TOX3: variants seen among roughly 807,000 people sequenced by gnomAD.
TOX3 encodes CAG trinucleotide repeat-containing gene F9 protein.
A neutral mutation model predicts 64.3 loss-of-function variants in TOX3; 22 were observed. The ratio of observed to expected loss-of-function variants is 0.34; its 90% confidence interval spans 0.24 to 0.49. The LOEUF is 0.49. TOX3 is among the 20% of genes least tolerant of loss of function. The pLI, the probability that TOX3 is intolerant of heterozygous loss-of-function variation, is 0.99. For synonymous variants in TOX3, 291 were observed against 273.6 expected, an observed-to-expected ratio of 1.06 and a Z score of -0.63; for missense variants, 661 against 714.4, an observed-to-expected ratio of 0.93 and a Z score of 0.85.
chr16:52,439,476 G>T lies in TOX3; in HGVS notation c.1480C>A (p.Gln494Lys). 7.0e-7 allele frequency: 1 copy of T among 1,435,314 alleles called. No homozygotes were observed. The highest frequency in any genetic ancestry group is 2.0e-5 in the Admixed American group (1 of 50,974). 88.9% of individuals were successfully genotyped at this position (1,435,314 alleles called of 1,614,324 possible). The change falls in exon 7 of 7, where the codon CAG (glutamine) becomes AAG (lysine). Residue 494 changes from glutamine to lysine, a missense_variant. Physicochemically the swap from Gln to Lys is moderately conservative, Grantham distance 53 (BLOSUM62 1). Transcript: ENST00000219746. ...HHMQQHLQQQ[Q>K]QHLQQQINQQ... ...TTAATTTGCTGCTGGAGATGCTGCT[G>T]CTGCTGCTGCAGGTGCTGCTGCATG...
At chr16:52,543,297 T>G (rs1963113151) in intron 1 of TOX3, among the ~76,000 whole-genome samples, 1 of 152,220 alleles carries the variant, frequency 6.6e-6, no homozygotes, top group Admixed American at 6.5e-5. Flanking sequence ...TACTTACCAG[T>G]TCAGCATCCC....
intron 1 of TOX3, among the ~76,000 whole-genome samples, chr16:52,528,683 A>C (rs535891360): frequency 6.6e-6 from 1 of 152,350 alleles, no homozygotes; most frequent in East Asian, 1.9e-4. Context: ...GGAAGGAATT[A>C]GGCTGCTTTC....
At chr16:52,489,984 C>G (rs903426873) in intron 1 of TOX3, among the ~76,000 whole-genome samples, 1 of 152,176 alleles carries the variant, frequency 6.6e-6, no homozygotes, top group East Asian at 1.9e-4. Context: ...CACACTGCAC[C>G]TGGAGTTACC....
At chr16:52,458,806 A>G (rs1469724625) in intron 3 of TOX3, among the ~76,000 whole-genome samples, 1 of 152,176 alleles carries the variant, frequency 6.6e-6, no homozygotes, top group Non-Finnish European at 1.5e-5. Context: ...GGCTCTACAA[A>G]GAAGGCAGCT....
At chr16:52,465,470 G>GTTTTTTTTTTTTTTTTTTTTTTT (rs34739813) in intron 2 of TOX3, among the ~76,000 whole-genome samples, 1 of 103,994 alleles carries the variant, frequency 9.6e-6, no homozygotes, top group Non-Finnish European at 1.9e-5. Context: ...TTTCTTTTTG[G>GTTTTTTTTTTTTTTTTTTTTTTT]TTTTTTTTTT....
chr16:52,492,929 C>A (rs997252339), intron 1 of TOX3, among the ~76,000 whole-genome samples: 1 of 150,680 alleles, frequency 6.6e-6, no homozygotes, highest in South Asian at 2.1e-4. Flanking sequence ...CTCCAGCTTT[C>A]GTTCTGAGAA....
intron 1 of TOX3, among the ~76,000 whole-genome samples, chr16:52,483,384 T>C (rs1961417436): frequency 6.6e-6 from 1 of 152,136 alleles, no homozygotes; most frequent in African/African-American, 2.4e-5. Flanking sequence ...GACTCTTGCA[T>C]TGCCTAGAAG....
At chr16:52,536,601 A>G (rs1011626478) in intron 1 of TOX3, among the ~76,000 whole-genome samples, 5 of 134,316 alleles carry the variant, frequency 3.7e-5, no homozygotes, top group Non-Finnish European at 7.9e-5. Context: ...CTTCCCCAAC[A>G]TCTTTTCTAC....
At chr16:52,469,545 A>C (rs1434029327) in intron 1 of TOX3, among the ~76,000 whole-genome samples, 4 of 152,138 alleles carry the variant, frequency 2.6e-5, no homozygotes, top group African/African-American at 9.7e-5. Flanking sequence ...CCTTGAATGC[A>C]TCAAATAAAA....
chr16:52,449,934 G>T (rs1044322992), intron 4 of TOX3, among the ~76,000 whole-genome samples: 17 of 152,224 alleles, frequency 1.1e-4, no homozygotes, highest in Admixed American at 3.3e-4. Flanking sequence ...CTTAGAACCA[G>T]AGCAGTTTAG....
intron 1 of TOX3, among the ~76,000 whole-genome samples, chr16:52,489,545 C>T (rs1046776489): frequency 2.0e-5 from 3 of 152,144 alleles, no homozygotes; most frequent in East Asian, 1.9e-4. Context: ...AACAGTCACT[C>T]TAAGCCAGTG....
At chr16:52,448,677 A>C (rs1960240185) in intron 4 of TOX3, among the ~76,000 whole-genome samples, 3 of 152,052 alleles carry the variant, frequency 2.0e-5, no homozygotes, top group Admixed American at 2.0e-4. Flanking sequence ...AATCTTCTCT[A>C]GCTCCTCTTC....
chr16:52,457,492 T>C (rs762455476), intron 3 of TOX3, among the ~76,000 whole-genome samples: 2 of 152,280 alleles, frequency 1.3e-5, no homozygotes, highest in Non-Finnish European at 1.5e-5. Context: ...CCAAATATAT[T>C]AGAGTGTGAC....
chr16:52,476,072 G>C (rs1041511679), intron 1 of TOX3, among the ~76,000 whole-genome samples: 1 of 152,156 alleles, frequency 6.6e-6, no homozygotes, highest in African/African-American at 2.4e-5. Flanking sequence ...GGCTTGGCAC[G>C]CATATTTACA....
At chr16:52,459,492 A>T (rs1213175112) in intron 3 of TOX3, among the ~76,000 whole-genome samples, 1 of 152,152 alleles carries the variant, frequency 6.6e-6, no homozygotes, top group Non-Finnish European at 1.5e-5. Flanking sequence ...TTACATTGTT[A>T]ATTTATAATA....
At chr16:52,450,810 AAGGAAGGAAGGAAGGAAGGAAGGAAGG>A (rs1340085219) in intron 3 of TOX3, among the ~76,000 whole-genome samples, 34 of 48,252 alleles carry the variant, frequency 7.0e-4, no homozygotes, top group Non-Finnish European at 1.6e-3. Context: ...GGAAGGAAGG[AAGGAAGGAAGGAAGGAAGGAAGGAAGG>A]AAGGAAGGAA....
At chr16:52,545,317 C>T (rs887898818) in intron 1 of TOX3, among the ~76,000 whole-genome samples, 1 of 152,176 alleles carries the variant, frequency 6.6e-6, no homozygotes, top group African/African-American at 2.4e-5. Context: ...TTTTGGGAGG[C>T]CCCTCTGTGC....
At chr16:52,542,989 T>G (rs1963107468) in intron 1 of TOX3, among the ~76,000 whole-genome samples, 1 of 152,114 alleles carries the variant, frequency 6.6e-6, no homozygotes, top group African/African-American at 2.4e-5. Context: ...GAAAGCAAAG[T>G]CTGGGACTGA....
At chr16:52,533,737 A>G (rs1437140122) in intron 1 of TOX3, among the ~76,000 whole-genome samples, 1 of 152,258 alleles carries the variant, frequency 6.6e-6, no homozygotes, top group African/African-American at 2.4e-5. Context: ...ATGAGAAGAC[A>G]GCAAAAGTTG....
Sources: allele counts gnomAD v4.1 joint callset (sites outside exome capture counted in the v4.1 genomes callset), GRCh38; gene constraint gnomAD v4.1.1; transcripts MANE v1.5; gene names NCBI Gene and HGNC (gene_info 2026-07-23, HGNC 2026-07-21).